Variants in SPANXN4 observed in about 807,000 individuals in gnomAD.
The protein encoded by SPANXN4 is sperm protein associated with the nucleus on the X chromosome N4.
SPANXN4 carries 5 observed loss-of-function variants against 6.0 expected under a neutral mutation model. That is an observed-to-expected ratio of 0.83 (90% CI 0.44 to 1.75). The LOEUF is 1.75. Among genes scored for constraint, SPANXN4 ranks in the 40% most tolerant of loss-of-function variants. The pLI, the probability that SPANXN4 is intolerant of heterozygous loss-of-function variation, is 0.02. For synonymous variants in SPANXN4, 45 were observed against 38.0 expected, an observed-to-expected ratio of 1.19 and a Z score of -0.68; for missense variants, 157 against 108.6, an observed-to-expected ratio of 1.45 and a Z score of -1.98.
At chrX:143,036,796 G>A (rs1013628284), downstream of SPANXN4, among the ~76,000 whole-genome samples, 1 of 111,278 alleles carries the variant, frequency 9.0e-6, no homozygotes, top group Non-Finnish European at 1.9e-5. Context: ...GTCAATATCT[G>A]CAAAAAATGC....
At chrX:143,037,475 T>C (rs943676012), downstream of SPANXN4, among the ~76,000 whole-genome samples, 3 of 111,461 alleles carry the variant, frequency 2.7e-5, no homozygotes, top group Non-Finnish European at 5.7e-5. Context: ...AGTTTCTCAC[T>C]CCCCCAGCTT....
At chrX:143,031,928 A>G (rs1157003377) in intron 1 of SPANXN4, among the ~76,000 whole-genome samples, 4 of 111,914 alleles carry the variant, frequency 3.6e-5, no homozygotes, top group African/African-American at 1.3e-4. Context: ...TATGCCAGCT[A>G]GAAGGCATGA....
chrX:143,032,811 G>GA (rs1255392360), intron 1 of SPANXN4, among the ~76,000 whole-genome samples: 1 of 111,402 alleles, frequency 9.0e-6, no homozygotes, highest in Non-Finnish European at 1.9e-5. Context: ...TAATATCCCA[G>GA]AAAAGAGTGA....
downstream of SPANXN4, among the ~76,000 whole-genome samples, chrX:143,037,151 A>G (rs1394917534): frequency 9.0e-6 from 1 of 111,093 alleles, no homozygotes; most frequent in Admixed American, 9.6e-5. Context: ...TTTTAAGACC[A>G]TAAGTAACCT....
intron 1 of SPANXN4, among the ~76,000 whole-genome samples, chrX:143,030,730 G>T (rs1183651644): frequency 1.8e-5 from 2 of 111,662 alleles, no homozygotes; most frequent in Non-Finnish European, 3.8e-5. Context: ...ACCACCTAAT[G>T]AATTGGTACC....
At chrX:143,027,037 G>A (rs1022398733) in intron 1 of SPANXN4, among the ~76,000 whole-genome samples, 1 of 112,145 alleles carries the variant, frequency 8.9e-6, no homozygotes, top group Non-Finnish European at 1.9e-5. Flanking sequence ...AAGGGTGCAT[G>A]TTCCTGACCA....
exon 3 of SPANXN4, chrX:143,034,646 A>C (rs939605128): frequency 8.6e-7 from 1 of 1,162,030 alleles, no homozygotes; most frequent in African/African-American, 1.8e-5. Context: ...TTCAGGCCAC[A>C]TACCTCAGAG....
rs779522534 is a variant in SPANXN4 at position 143,033,518 on chromosome X, C to A, written c.79-510C>A. Among the ~76,000 whole-genome samples, 17 of 111,684 alleles carry A rather than the reference C, an allele frequency of 1.5e-4. No homozygotes were observed. The East Asian group carries it at 2.0e-3, about 13-fold the overall frequency. On this transcript the variant is annotated intron_variant, in intron 1 of 2. Coordinates refer to ENST00000370504, the Ensembl canonical transcript of SPANXN4. ...CCAGCTTAATGCCAGAGCCCACTAC[C>A]ACTTACAGGCTGGGGTACTTACAGG...
At chrX:143,032,914 G>T (rs1432695849) in intron 1 of SPANXN4, among the ~76,000 whole-genome samples, 8 of 111,760 alleles carry the variant, frequency 7.2e-5, no homozygotes, top group African/African-American at 2.3e-4. Context: ...GTACCAAAGA[G>T]CTGTGGCAGC....
At chrX:143,027,606 G>C (rs754200524) in intron 1 of SPANXN4, among the ~76,000 whole-genome samples, 24 of 111,731 alleles carry the variant, frequency 2.1e-4, no homozygotes, top group Non-Finnish European at 3.4e-4. Context: ...AACAGGTTTT[G>C]AGAATGAATT....
chrX:143,038,448 C>T (rs909760929), downstream of SPANXN4, among the ~76,000 whole-genome samples: 1 of 111,906 alleles, frequency 8.9e-6, no homozygotes, highest in Non-Finnish European at 1.9e-5. Context: ...TCCTCTCTGG[C>T]CACTTTATGT....
In SPANXN4 at chrX:143,034,028, A is replaced by T; in HGVS notation, c.79A>T (p.Lys27Ter). Residue 27 changes from lysine (K) to a stop codon, truncating the protein, a stop_gained and splice_region_variant, in exon 2 of 3, where the codon AAG (lysine) becomes TAG (stop). Transcript: ENST00000370504. LOFTEE classifies it high-confidence loss of function. ...CCTCTCCCTGTTTTTTTACCAGAAG[A>T]AGAAGAATCTGCACAGAGCCTCAGC... 8.6e-7 allele frequency: 1 copy of T among 1,168,077 alleles called. No individual in the cohort carries two copies. The highest frequency in any genetic ancestry group is 1.1e-6 in the Non-Finnish European group (1 of 874,301).
intron 1 of SPANXN4, among the ~76,000 whole-genome samples, chrX:143,031,156 G>T (rs1306337543): frequency 9.0e-6 from 1 of 110,746 alleles, no homozygotes; most frequent in Non-Finnish European, 1.9e-5. Flanking sequence ...CCAAGATAGG[G>T]GTAGGGCACT....
At chrX:143,030,920 C>T (rs1167213170) in intron 1 of SPANXN4, among the ~76,000 whole-genome samples, 1 of 111,446 alleles carries the variant, frequency 9.0e-6, no homozygotes, top group Non-Finnish European at 1.9e-5. Context: ...GATATTGAGA[C>T]TGATGAAGGA....
Position 143,032,621 on chromosome X carries a change from A to G in SPANXN4, c.79-1407A>G, listed in dbSNP as rs1932817209. On this transcript the variant is annotated intron_variant, in intron 1 of 2. Coordinates refer to ENST00000370504, the Ensembl canonical transcript of SPANXN4. ...GAGAGAGAGAGCAATCCATGAACGG[A>G]GATAAGCAAAGCACTTTTGATCCTT... Among the ~76,000 whole-genome samples the G allele has an allele frequency of 2.7e-5, 3 of 110,930 alleles. No individual in the cohort carries two copies. The Admixed American group carries it at 2.9e-4, about 11-fold the overall frequency.
chrX:143,027,841 G>A (rs746290821), intron 1 of SPANXN4, among the ~76,000 whole-genome samples: 1 of 110,895 alleles, frequency 9.0e-6, no homozygotes, highest in African/African-American at 3.3e-5. Context: ...AGACAAAAAG[G>A]GCAAAAGGAG....
exon 2 of SPANXN4, chrX:143,034,077 C>T (rs757147153): frequency 8.5e-7 from 1 of 1,179,456 alleles, no homozygotes; most frequent in Admixed American, 2.5e-5. Context: ...TTGAAAGAGA[C>T]AGAAAAAGCA....
rs368883029 is a variant in SPANXN4 at position 143,034,034 on chromosome X, A to C, written c.85A>C (p.Asn29His). 2 of 1,170,795 alleles carry C rather than the reference A, an allele frequency of 1.7e-6. No homozygotes were observed. The highest frequency in any genetic ancestry group is 2.5e-5 in the Admixed American group (1 of 39,244). Residue 29 changes from asparagine to histidine, a missense_variant, in exon 2 of 3, where the codon AAT (asparagine) becomes CAT (histidine). Physicochemically the swap from Asn to His is moderately conservative, Grantham distance 68 (BLOSUM62 1). Transcript: ENST00000370504. The stretch of plus-strand genomic sequence containing the variant: ...CCTGTTTTTTTACCAGAAGAAGAAG[A>C]ATCTGCACAGAGCCTCAGCCCCTGA...
downstream of SPANXN4, among the ~76,000 whole-genome samples, chrX:143,037,994 G>A (rs1932851680): frequency 1.8e-5 from 2 of 111,242 alleles, no homozygotes; most frequent in South Asian, 7.6e-4. Flanking sequence ...GTGTGTAAAT[G>A]GACTGATACA....
Sources: allele counts gnomAD v4.1 joint callset (sites outside exome capture counted in the v4.1 genomes callset), GRCh38; gene constraint gnomAD v4.1.1; transcripts MANE v1.5; gene names NCBI Gene and HGNC (gene_info 2026-07-23, HGNC 2026-07-21).